The following ZZZ3 variants were observed in gnomAD, a reference collection of about 807,000 sequenced individuals.
ZZZ3 encodes the protein zinc finger ZZ-type containing 3.
A neutral mutation model predicts 95.2 loss-of-function variants in ZZZ3; 22 were observed. The observed-to-expected ratio is 0.23, with a 90% CI of 0.17 to 0.33. ZZZ3 has a LOEUF of 0.33. Ranked by LOEUF, ZZZ3 falls within the 10% of genes least tolerant of loss-of-function variation. The probability of loss-of-function intolerance (pLI) is 1.00; values close to 1 mark genes in which losing one functional copy is unlikely to be tolerated. For missense variants in ZZZ3, 885 were observed against 1,066.5 expected (o/e 0.83, Z 2.37); for synonymous variants, 335 against 358.9 (o/e 0.93, Z 0.75).
chr1:77,574,256 T>A (rs781316389), intron 12 of ZZZ3, among the ~76,000 whole-genome samples: 20 of 150,984 alleles, frequency 1.3e-4, no homozygotes, highest in Admixed American at 2.0e-4. Flanking sequence ...TTAATAGTAG[T>A]GTTGGTTATT....
intron 1 of ZZZ3, among the ~76,000 whole-genome samples, chr1:77,664,998 CA>C (rs1376001257): frequency 2.0e-5 from 3 of 152,102 alleles, no homozygotes; most frequent in Non-Finnish European, 4.4e-5. Flanking sequence ...AACAAATTAA[CA>C]AAAGCTATCA....
chr1:77,618,037 G>A (rs1157264381), intron 5 of ZZZ3, among the ~76,000 whole-genome samples: 1 of 151,960 alleles, frequency 6.6e-6, no homozygotes, highest in Non-Finnish European at 1.5e-5. Flanking sequence ...TCCACAGTGG[G>A]TGCACCATTT....
At chr1:77,646,170 C>G (rs966144466) in intron 1 of ZZZ3, among the ~76,000 whole-genome samples, 3 of 152,074 alleles carry the variant, frequency 2.0e-5, no homozygotes, top group Non-Finnish European at 2.9e-5. Flanking sequence ...ACCTTAGGCT[C>G]TGATTTGAAC....
At chr1:77,584,448 A>G in intron 6 of ZZZ3, 69 bp downstream of exon 6, 1 of 1,478,904 alleles carries the variant, frequency 6.8e-7, no homozygotes, top group Non-Finnish European at 9.0e-7. Context: ...ATAAAAAAGA[A>G]TTAACCAAAT....
At chr1:77,656,466 A>G (rs551844517) in intron 1 of ZZZ3, among the ~76,000 whole-genome samples, 12 of 152,350 alleles carry the variant, frequency 7.9e-5, no homozygotes, top group African/African-American at 2.6e-4. Context: ...AAAAGTCTTA[A>G]AAGCAAATAA....
chr1:77,577,643 T>C (rs1024065099), intron 11 of ZZZ3, among the ~76,000 whole-genome samples: 1 of 152,192 alleles, frequency 6.6e-6, no homozygotes, highest in Non-Finnish European at 1.5e-5. Context: ...CTTCTCTTTA[T>C]GAGAAAGATG....
At chr1:77,596,939 C>T (rs1389563174) in intron 5 of ZZZ3, among the ~76,000 whole-genome samples, 1 of 151,966 alleles carries the variant, frequency 6.6e-6, no homozygotes, top group Non-Finnish European at 1.5e-5. Context: ...TTCATATACA[C>T]AATTTTCTTG....
intron 1 of ZZZ3, among the ~76,000 whole-genome samples, chr1:77,661,910 G>C (rs1178695471): frequency 6.6e-6 from 1 of 151,700 alleles, no homozygotes; most frequent in East Asian, 1.9e-4. Context: ...TTGAACTCTT[G>C]GGCTCAAGCA....
intron 5 of ZZZ3, among the ~76,000 whole-genome samples, chr1:77,588,257 G>A (rs1023496077): frequency 3.3e-5 from 5 of 152,090 alleles, no homozygotes; most frequent in African/African-American, 7.2e-5. Context: ...ATAAATTTAT[G>A]AGCCCAGTAC....
chr1:77,582,176 T>C, intron 6 of ZZZ3, 50 bp from the exon 7 acceptor site: 1 of 1,530,458 alleles, frequency 6.5e-7, no homozygotes, highest in Non-Finnish European at 8.8e-7. Context: ...TAAATTTAAT[T>C]AAAGAAATAA....
chr1:77,644,099 CTT>C (rs1265098472), intron 1 of ZZZ3, among the ~76,000 whole-genome samples: 3 of 149,540 alleles, frequency 2.0e-5, no homozygotes, highest in Non-Finnish European at 3.0e-5. Flanking sequence ...GCGTTTTGCT[CTT>C]GTTGCCCAGG....
chr1:77,594,174 AT>A (rs1663990924), intron 5 of ZZZ3, among the ~76,000 whole-genome samples: 3 of 152,260 alleles, frequency 2.0e-5, no homozygotes, highest in African/African-American at 7.2e-5. Context: ...AGAGGAGAAT[AT>A]TTAAAAAGAC....
At chr1:77,655,822 T>C (rs779733227) in intron 1 of ZZZ3, among the ~76,000 whole-genome samples, 22 of 152,214 alleles carry the variant, frequency 1.4e-4, no homozygotes, top group Non-Finnish European at 2.6e-4. Flanking sequence ...ATCTATGACT[T>C]AGAAGAAGAA....
chr1:77,566,278 TCTC>T (rs1419414178), intron 13 of ZZZ3, 97 bp from the exon 14 acceptor site: 1 of 764,256 alleles, frequency 1.3e-6, no homozygotes, highest in Admixed American at 2.7e-5. Flanking sequence ...ACAGACATCT[TCTC>T]TTCTCTCTCC....
intron 5 of ZZZ3, among the ~76,000 whole-genome samples, chr1:77,631,549 A>T (rs1667815390): frequency 6.6e-6 from 1 of 152,194 alleles, no homozygotes; most frequent in African/African-American, 2.4e-5. Flanking sequence ...TTTCCATTGT[A>T]TAAATTAACT....
At chr1:77,600,669 A>G (rs1477374180) in intron 5 of ZZZ3, among the ~76,000 whole-genome samples, 1 of 152,126 alleles carries the variant, frequency 6.6e-6, no homozygotes, top group Non-Finnish European at 1.5e-5. Flanking sequence ...GGGTTGTTCC[A>G]AACAGAAGAG....
intron 12 of ZZZ3, among the ~76,000 whole-genome samples, chr1:77,573,542 C>T (rs553913187): frequency 6.6e-5 from 10 of 152,290 alleles, no homozygotes; most frequent in African/African-American, 2.2e-4. Flanking sequence ...TATCTAATCC[C>T]TAGCAAAGCC....
intron 1 of ZZZ3, among the ~76,000 whole-genome samples, chr1:77,661,586 A>G (rs544959657): frequency 1.3e-5 from 2 of 152,320 alleles, no homozygotes; most frequent in African/African-American, 4.8e-5. Context: ...CATTGCAGTT[A>G]GATACCTGGT....
chr1:77,576,400 A>G (rs1458337711), intron 11 of ZZZ3, among the ~76,000 whole-genome samples, 180 bp from the exon 12 acceptor site: 2 of 152,110 alleles, frequency 1.3e-5, no homozygotes, highest in African/African-American at 4.8e-5. Flanking sequence ...ACTAGCTTTA[A>G]AAAATTTTTT....
Sources: gnomAD v4.1 joint callset for allele counts (sites outside exome capture counted in the v4.1 genomes callset) on GRCh38, gnomAD v4.1.1 for gene constraint, MANE v1.5 for transcripts, NCBI Gene and HGNC (gene_info 2026-07-23, HGNC 2026-07-21) for gene names.